Variants in CYREN observed in about 807,000 individuals in gnomAD.
The protein encoded by CYREN is cell cycle regulator of NHEJ.
CYREN carries 7 observed loss-of-function variants against 9.7 expected under a neutral mutation model. The observed-to-expected ratio is 0.72, with a 90% CI of 0.41 to 1.36. The LOEUF (loss-of-function observed/expected upper bound fraction) is 1.36. Ranked by LOEUF, CYREN falls within the 40% of genes most tolerant of loss-of-function variation. The probability of loss-of-function intolerance (pLI) is 0.01; values close to 1 mark genes in which losing one functional copy is unlikely to be tolerated. For synonymous variants in CYREN, 76 were observed against 77.9 expected (o/e 0.98, Z 0.13); for missense variants, 215 against 198.1 (o/e 1.09, Z -0.51).
At position 135,166,784 on chromosome 7, in the gene CYREN, G is replaced by T. The variant is rs775366290; in HGVS notation, c.301C>A (p.His101Asn). The change falls in exon 4 of 4, where the codon CAC becomes AAC. Residue 101 changes from histidine (H) to asparagine (N), a missense_variant. By Grantham distance (68) the His-to-Asn change is moderately conservative (BLOSUM62 1). Coordinates refer to ENST00000393114, the MANE Select transcript of CYREN (RefSeq NM_024033.4). ...TCACTGCTGCTCCCAGAACTTGTGTGAGGCGACACGGAGCAGGGAGGGGAG... is the reference window on the plus strand; with the variant it reads ...TCACTGCTGCTCCCAGAACTTGTGTTAGGCGACACGGAGCAGGGAGGGGAG... ...EHSPPCSVSP[H>N]TSSGSSSEEE... The T allele has an allele frequency of 6.2e-7, 1 of 1,614,178 alleles. No individual in the cohort carries two copies. The highest frequency in any genetic ancestry group is 1.3e-5 in the African/African-American group (1 of 75,060).
At chr7:135,123,079 G>A (rs556838732) in intron 2 of CYREN, among the ~76,000 whole-genome samples, 17 of 151,314 alleles carry the variant, frequency 1.1e-4, no homozygotes, top group African/African-American at 4.1e-4. Flanking sequence ...TTCAGAAGAT[G>A]AGTAATAAAA....
At chr7:135,098,878 CAAT>C (rs2117003017) in intron 2 of CYREN, among the ~76,000 whole-genome samples, 1 of 152,078 alleles carries the variant, frequency 6.6e-6, no homozygotes, top group East Asian at 1.9e-4. Flanking sequence ...TAAGAATATA[CAAT>C]AATAATATGA....
intron 2 of CYREN, among the ~76,000 whole-genome samples, chr7:135,134,190 G>A (rs1166368436): frequency 2.0e-5 from 3 of 152,054 alleles, no homozygotes; most frequent in African/African-American, 7.2e-5. Context: ...GGTTTTGCAA[G>A]CTATTTTGGG....
At chr7:135,118,866 GA>G (rs953704096) in intron 2 of CYREN, among the ~76,000 whole-genome samples, 6 of 152,020 alleles carry the variant, frequency 3.9e-5, no homozygotes, top group African/African-American at 1.4e-4. Context: ...AAATACCACT[GA>G]AATTTTAAAA....
exon 3 of CYREN, chr7:135,093,101 ATGCTTTTCTCCCTGAGACC>A (rs747192940): frequency 6.6e-6 from 1 of 151,890 alleles, no homozygotes; most frequent in Non-Finnish European, 1.5e-5. Flanking sequence ...GCAAGACTAA[ATGCTTTTCTCCCTGAGACC>A]TGGAACAAGA....
At chr7:135,171,899 T>C (rs1014661811), upstream of CYREN, among the ~76,000 whole-genome samples, 7 of 152,248 alleles carry the variant, frequency 4.6e-5, no homozygotes, top group African/African-American at 1.7e-4. Context: ...CATAGCAGGC[T>C]CCCGAGAAGG....
chr7:135,168,951 G>A lies in CYREN; in HGVS notation c.-29C>T. On this transcript the variant is annotated 5_prime_UTR_variant, in exon 2 of 4. Transcript: ENST00000393114. ...TGTACCTTCTCACAAAGAAGAGTCAGGGCCCAAGCTTAATGACCTGTTTTT... is the reference window on the plus strand; with the variant it reads ...TGTACCTTCTCACAAAGAAGAGTCAAGGCCCAAGCTTAATGACCTGTTTTT... 1 of 1,539,010 alleles carries A rather than the reference G, an allele frequency of 6.5e-7. No individual in the cohort carries two copies.
At chr7:135,155,576 C>A (rs537364264) in intron 2 of CYREN, among the ~76,000 whole-genome samples, 8 of 152,264 alleles carry the variant, frequency 5.3e-5, no homozygotes, top group South Asian at 4.1e-4. Flanking sequence ...TGCCTTTAAT[C>A]CCAGTGCTTT....
intron 3 of CYREN, 81 bp downstream of exon 3, chr7:135,167,651 C>T: frequency 6.3e-7 from 1 of 1,586,590 alleles, no homozygotes; most frequent in African/African-American, 1.3e-5. Flanking sequence ...GAGGGCGTCT[C>T]TCTTACTGAC....
At chr7:135,148,663 C>G (rs988817161) in intron 2 of CYREN, among the ~76,000 whole-genome samples, 1 of 152,174 alleles carries the variant, frequency 6.6e-6, no homozygotes, top group Admixed American at 6.5e-5. Flanking sequence ...AGGTCACCGA[C>G]CAACACTAAC....
At chr7:135,128,886 G>T in intron 2 of CYREN, 1 of 1,378,446 alleles carries the variant, frequency 7.3e-7, no homozygotes, top group Non-Finnish European at 1.0e-6. Context: ...CTTTGATCAA[G>T]CTCAGCAGAT....
At chr7:135,121,707 A>C (rs1316247052) in intron 2 of CYREN, among the ~76,000 whole-genome samples, 1 of 152,178 alleles carries the variant, frequency 6.6e-6, no homozygotes, top group African/African-American at 2.4e-5. Context: ...TAAGCAAGGT[A>C]TCCAGGTTCT....
intron 2 of CYREN, chr7:135,129,610 A>C: frequency 1.3e-6 from 1 of 775,192 alleles, no homozygotes; most frequent in Non-Finnish European, 2.4e-6. Flanking sequence ...CATTTCACTG[A>C]TCCTGCTTCA....
chr7:135,112,263 G>A (rs185371989), intron 2 of CYREN, among the ~76,000 whole-genome samples: 1 of 152,128 alleles, frequency 6.6e-6, no homozygotes, highest in East Asian at 1.9e-4. Context: ...GTTTTCCTGG[G>A]TCCCAGTGTG....
Position 135,168,810 on chromosome 7 carries a change from G to A in CYREN, c.113C>T (p.Ala38Val), listed in dbSNP as rs1159973867. Residue 38 changes from alanine to valine, a missense_variant, in exon 2 of 4, where the codon GCA becomes GTA. Physicochemically the swap from Ala to Val is moderately conservative, Grantham distance 64. Coordinates refer to ENST00000393114, the MANE Select transcript of CYREN (RefSeq NM_024033.4). ...PMKAPKRMRM[A>V]AVPVAAARLP... The stretch of plus-strand genomic sequence containing the variant: ...CCTTGCTGCTGCCACTGGCACTGCT[G>A]CCATTCTCATCCTCTTGGGGGCCTT... 1.2e-6 allele frequency: 2 copies of A among 1,613,968 alleles called. No individual in the cohort carries two copies. The highest frequency in any genetic ancestry group is 1.7e-6 in the Non-Finnish European group (2 of 1,179,988).
At chr7:135,160,079 T>C (rs1390720337) in intron 2 of CYREN, among the ~76,000 whole-genome samples, 3 of 152,228 alleles carry the variant, frequency 2.0e-5, no homozygotes, top group African/African-American at 7.2e-5. Context: ...CTAGTTCACA[T>C]AGAATGATGT....
chr7:135,128,871 T>C (rs545069408), intron 2 of CYREN: 8 of 1,299,168 alleles, frequency 6.2e-6, no homozygotes, highest in African/African-American at 4.4e-5. Flanking sequence ...CCAGGAAATC[T>C]TGGACTTTGA....
At chr7:135,158,768 A>G (rs1434249795) in intron 2 of CYREN, among the ~76,000 whole-genome samples, 2 of 152,220 alleles carry the variant, frequency 1.3e-5, no homozygotes, top group Non-Finnish European at 2.9e-5. Flanking sequence ...GCAGGGCAGC[A>G]GACCCTCCCA....
chr7:135,118,978 G>A (rs1223610053), intron 2 of CYREN, among the ~76,000 whole-genome samples: 1 of 152,002 alleles, frequency 6.6e-6, no homozygotes, highest in African/African-American at 2.4e-5. Flanking sequence ...GAACATAAGA[G>A]AAAAAATAGG....
Sources: allele counts gnomAD v4.1 joint callset (sites outside exome capture counted in the v4.1 genomes callset), GRCh38; gene constraint gnomAD v4.1.1; transcripts MANE v1.5; gene names NCBI Gene and HGNC (gene_info 2026-07-23, HGNC 2026-07-21).